Variants in ADGB observed in about 807,000 individuals in gnomAD.
ADGB encodes androglobin.
ADGB carries 172 observed loss-of-function variants against 210.5 expected under a neutral mutation model. The ratio of observed to expected loss-of-function variants is 0.82; its 90% CI spans 0.72 to 0.93. The LOEUF (loss-of-function observed/expected upper bound fraction) is 0.93, where lower values mean the gene tolerates loss of function less well. ADGB is among the 40% of genes least tolerant of loss of function. ADGB has a pLI of 0.00. For synonymous variants in ADGB, 658 were observed against 662.7 expected (o/e 0.99, Z 0.11); for missense variants, 2,025 against 1,964.8 (o/e 1.03, Z -0.58).
chr6:146,666,926 C>G, intron 7 of ADGB, 24 bp downstream of exon 7: 1 of 1,462,822 alleles, frequency 6.8e-7, no homozygotes, highest in Non-Finnish European at 9.3e-7. Context: ...TTAAATTGCT[C>G]ATATCTATTT....
In ADGB at chr6:146,754,192, A is replaced by AT. The variant is rs1205922971; in HGVS notation, c.3550+1484dup. Among the ~76,000 whole-genome samples the AT allele has an allele frequency of 1.5e-4, 23 of 151,326 alleles. No homozygotes were observed. In the East Asian group the frequency reaches 1.5e-3, roughly 10 times the overall value. The stretch of plus-strand genomic sequence containing the variant: ...GTATCTGCATAAATTTGCATAAAGG[A>AT]TTTTTTAAATTTTTAAATATCTTCT... On this transcript the variant is annotated intron_variant, in intron 27 of 35. Coordinates refer to ENST00000397944, the MANE Select transcript of ADGB (RefSeq NM_024694.4).
chr6:146,779,064 A>G (rs79770103), intron 29 of ADGB, among the ~76,000 whole-genome samples: 1 of 148,646 alleles, frequency 6.7e-6, no homozygotes, highest in East Asian at 2.0e-4. Context: ...TAGCTTTGGA[A>G]AAAAAAAAAA....
chr6:146,686,512 T>A (rs1776236469), intron 10 of ADGB, among the ~76,000 whole-genome samples: 2 of 152,216 alleles, frequency 1.3e-5, no homozygotes, highest in South Asian at 4.1e-4. Flanking sequence ...AAAACCATCT[T>A]TTCACTTCAC....
At chr6:146,627,649 T>C (rs1346053802) in intron 1 of ADGB, among the ~76,000 whole-genome samples, 1 of 152,088 alleles carries the variant, frequency 6.6e-6, no homozygotes, top group African/African-American at 2.4e-5. Context: ...GTACTTTTTT[T>C]CCCCGGCTTT....
intron 1 of ADGB, among the ~76,000 whole-genome samples, chr6:146,607,392 T>C (rs1387437770): frequency 6.6e-6 from 1 of 152,188 alleles, no homozygotes; most frequent in Non-Finnish European, 1.5e-5. Context: ...TATTTATTTT[T>C]CTTGCCTGAT....
At chr6:146,681,542 T>G (rs1323438106) in intron 9 of ADGB, among the ~76,000 whole-genome samples, 4 of 152,140 alleles carry the variant, frequency 2.6e-5, no homozygotes, top group Admixed American at 6.6e-5. Context: ...AGATTAAGAC[T>G]GCAACCTCTT....
chr6:146,813,913 G>C (rs1318747548), intron 35 of ADGB, among the ~76,000 whole-genome samples: 1 of 152,102 alleles, frequency 6.6e-6, no homozygotes, highest in African/African-American at 2.4e-5. Flanking sequence ...AAAGAAACGT[G>C]AACATTTTTA....
intron 29 of ADGB, among the ~76,000 whole-genome samples, chr6:146,776,329 A>G (rs1000026708): frequency 2.6e-5 from 4 of 151,996 alleles, no homozygotes; most frequent in African/African-American, 9.7e-5. Flanking sequence ...TATTTCCTGT[A>G]AAGCTTTACA....
chr6:146,748,251 T>C (rs1777270345), intron 26 of ADGB, among the ~76,000 whole-genome samples: 1 of 152,202 alleles, frequency 6.6e-6, no homozygotes, highest in African/African-American at 2.4e-5. Flanking sequence ...AGGTAAAAGC[T>C]TTGAAATAAA....
intron 27 of ADGB, among the ~76,000 whole-genome samples, chr6:146,762,627 C>G (rs1232317821): frequency 1.3e-5 from 2 of 152,024 alleles, no homozygotes; most frequent in Non-Finnish European, 2.9e-5. Flanking sequence ...AGATTATGCT[C>G]TTTTAATTGA....
At chr6:146,669,162 T>A (rs1238979696) in intron 7 of ADGB, among the ~76,000 whole-genome samples, 1 of 152,104 alleles carries the variant, frequency 6.6e-6, no homozygotes, top group Non-Finnish European at 1.5e-5. Flanking sequence ...CAGTTAATAC[T>A]GTATAATGTT....
At chr6:146,681,999 A>C (rs112028207) in intron 9 of ADGB, among the ~76,000 whole-genome samples, 16 of 152,160 alleles carry the variant, frequency 1.1e-4, no homozygotes, top group Non-Finnish European at 1.5e-4. Context: ...CATAGGGTTT[A>C]TGTGAACTGA....
intron 5 of ADGB, among the ~76,000 whole-genome samples, chr6:146,660,553 C>T (rs1583578756): frequency 6.6e-6 from 1 of 152,218 alleles, no homozygotes; most frequent in Non-Finnish European, 1.5e-5. Flanking sequence ...TTTCCCTACA[C>T]ACAGTCATTT....
intron 35 of ADGB, among the ~76,000 whole-genome samples, chr6:146,805,601 C>G (rs982306432): frequency 6.6e-6 from 1 of 152,158 alleles, no homozygotes; most frequent in Non-Finnish European, 1.5e-5. Flanking sequence ...TTTTATCCAC[C>G]TTTTGCCTAG....
chr6:146,674,023 C>A (rs1776050491), intron 8 of ADGB, among the ~76,000 whole-genome samples: 1 of 152,080 alleles, frequency 6.6e-6, no homozygotes, highest in Admixed American at 6.6e-5. Flanking sequence ...GGAGCAGGGA[C>A]AACATCAGCA....
intron 2 of ADGB, chr6:146,639,027 G>C (rs1775469662): frequency 6.5e-6 from 1 of 153,426 alleles, no homozygotes; most frequent in African/African-American, 2.4e-5. Context: ...ATTGGTAATA[G>C]GCTTTTGGGC....
chr6:146,715,275 A>G, intron 13 of ADGB, 107 bp from the exon 14 acceptor site: 1 of 1,001,740 alleles, frequency 1.0e-6, no homozygotes, highest in Non-Finnish European at 1.5e-6. Flanking sequence ...CCAAAAATCT[A>G]TTTCTTCAAA....
Position 146,788,469 on chromosome 6 carries a change from G to A in ADGB, c.4396G>A (p.Gly1466Arg), listed in dbSNP as rs1777911606. The A allele has an allele frequency of 6.4e-7, 1 of 1,551,648 alleles. No individual in the cohort carries two copies. Among genetic ancestry groups the A allele is most frequent in the Non-Finnish European group, 8.7e-7 (1 of 1,146,952 alleles). The change falls in exon 33 of 36, where the codon GGA (glycine) becomes AGA (arginine). Residue 1466 changes from glycine (G) to arginine (R), a missense_variant. Transcript: ENST00000397944. ...GSESKEMTQTGSGSAVWKKWQ... is the reference protein window; with the variant it reads ...GSESKEMTQTRSGSAVWKKWQ... ...AGAGAGCAAAGAGATGACACAAACA[G>A]GATCAGGGAGTGCGGTGTGGAAGAA...
intron 35 of ADGB, among the ~76,000 whole-genome samples, chr6:146,811,505 G>C (rs965404357): frequency 2.3e-4 from 34 of 150,856 alleles, no homozygotes; most frequent in African/African-American, 7.3e-4. Flanking sequence ...TATTCAAGTA[G>C]TAACATTATT....
Sources: gnomAD v4.1 joint callset for allele counts (sites outside exome capture counted in the v4.1 genomes callset) on GRCh38, gnomAD v4.1.1 for gene constraint, MANE v1.5 for transcripts, NCBI Gene and HGNC (gene_info 2026-07-23, HGNC 2026-07-21) for gene names.